The following MPDZ variants were observed in gnomAD, a reference collection of about 807,000 sequenced individuals.
The protein encoded by MPDZ is multiple PDZ domain protein.
MPDZ carries 234 observed loss-of-function variants against 239.1 expected under a neutral mutation model. The ratio of observed to expected loss-of-function variants is 0.98; its 90% confidence interval spans 0.88 to 1.09. MPDZ has a LOEUF of 1.09. Among genes scored for constraint, MPDZ ranks in the 50% least tolerant of loss-of-function variants. The pLI, the probability that MPDZ is intolerant of heterozygous loss-of-function variation, is 0.00. For synonymous variants in MPDZ, 1,048 were observed against 881.3 expected (o/e 1.19, Z -3.35); for missense variants, 3,175 against 2,510.0 (o/e 1.26, Z -5.66).
chr9:13,108,807 G>T, intron 46 of MPDZ, 129 bp downstream of exon 46: 1 of 893,696 alleles, frequency 1.1e-6, no homozygotes, highest in Non-Finnish European at 1.5e-6. Context: ...CCTGTAGGGA[G>T]TTTTGAAAAG....
chr9:13,109,698 G>C (rs1017379301), intron 45 of MPDZ, among the ~76,000 whole-genome samples: 1 of 152,146 alleles, frequency 6.6e-6, no homozygotes, highest in East Asian at 1.9e-4. Context: ...CAAAATCAGA[G>C]CTGAAACCAT....
At position 13,190,196 on chromosome 9, in the gene MPDZ, A is replaced by G. The variant is rs1035615640; in HGVS notation, c.2072T>C (p.Leu691Ser). The change falls in exon 16 of 47, where the codon TTG (leucine) becomes TCG (serine). Residue 691 changes from leucine (L) to serine (S), a missense_variant. Leu to Ser is a moderately radical substitution (Grantham distance 145). Coordinates refer to ENST00000319217, the MANE Select transcript of MPDZ (RefSeq NM_001378778.1). ...GQSTEEVQAP[L>S]AMWEAGIQHI... ...CTGAATGCCAGCCTCCCACATGGCCAAAGGTGCTTGAACCTCTTCTGTACT... is the reference window on the plus strand; with the variant it reads ...CTGAATGCCAGCCTCCCACATGGCCGAAGGTGCTTGAACCTCTTCTGTACT... The G allele has an allele frequency of 3.7e-6, 6 of 1,613,160 alleles. No individual in the cohort carries two copies. Among genetic ancestry groups the G allele is most frequent in the Non-Finnish European group, 4.2e-6 (5 of 1,179,556 alleles).
chr9:13,256,635 T>C (rs1969516417), intron 1 of MPDZ, among the ~76,000 whole-genome samples: 1 of 152,138 alleles, frequency 6.6e-6, no homozygotes, highest in African/African-American at 2.4e-5. Context: ...ATGGAGCAGT[T>C]GGAACATGTG....
intron 1 of MPDZ, among the ~76,000 whole-genome samples, chr9:13,254,422 G>A (rs186091917): frequency 1.3e-5 from 2 of 152,012 alleles, no homozygotes; most frequent in African/African-American, 4.8e-5. Context: ...TACATTTCAA[G>A]GTACTAAATC....
At chr9:13,240,123 A>G (rs1965019242) in intron 3 of MPDZ, among the ~76,000 whole-genome samples, 1 of 152,114 alleles carries the variant, frequency 6.6e-6, no homozygotes, top group South Asian at 2.1e-4. Flanking sequence ...ACAACATGTT[A>G]GAATTTTTGC....
chr9:13,171,300 T>A (rs1199755264), intron 21 of MPDZ, among the ~76,000 whole-genome samples: 2 of 152,158 alleles, frequency 1.3e-5, no homozygotes, highest in African/African-American at 4.8e-5. Context: ...AAAGACTAAA[T>A]GCAAATCTTA....
At position 13,219,730 on chromosome 9, in the gene MPDZ, A is replaced by G; in HGVS notation, c.915T>C (p.Ile305=). Residue 305 remains isoleucine (I), a synonymous_variant, in exon 8 of 47, where the codon ATT becomes ATC. Coordinates refer to ENST00000319217, the MANE Select transcript of MPDZ (RefSeq NM_001378778.1). ...TCATTCCTGCTAGATCTGTGTCACCAATCTTTAGAATGTGGTCTCCACTGC... is the reference window on the plus strand; with the variant it reads ...TCATTCCTGCTAGATCTGTGTCACCGATCTTTAGAATGTGGTCTCCACTGC... ...RLCSGDHILK[I]GDTDLAGMSS... is the part of the protein sequence containing the mutation. 6.2e-7 allele frequency: 1 copy of G among 1,612,702 alleles called. No homozygotes were observed. Among genetic ancestry groups the G allele is most frequent in the Admixed American group, 1.7e-5 (1 of 59,796 alleles).
intron 26 of MPDZ, among the ~76,000 whole-genome samples, chr9:13,145,199 A>G (rs1948268558): frequency 6.6e-6 from 1 of 152,054 alleles, no homozygotes; most frequent in Non-Finnish European, 1.5e-5. Context: ...GAAACAGACT[A>G]TTTCTTATTA....
At chr9:13,278,833 A>T (rs1230287438) in intron 1 of MPDZ, among the ~76,000 whole-genome samples, 12 of 151,828 alleles carry the variant, frequency 7.9e-5, no homozygotes, top group African/African-American at 2.9e-4. Flanking sequence ...CCCACTCTCT[A>T]CCGCAACCCG....
At chr9:13,211,885 G>A (rs1036831738) in intron 10 of MPDZ, among the ~76,000 whole-genome samples, 4 of 152,032 alleles carry the variant, frequency 2.6e-5, no homozygotes, top group East Asian at 1.9e-4. Context: ...TGGTTTCTAT[G>A]AGAAGGCTTT....
Position 13,203,469 on chromosome 9 carries a change from G to C in MPDZ, c.1546+1567C>G, listed in dbSNP as rs1956624226. Among the ~76,000 whole-genome samples, 5 of 152,038 alleles carry C rather than the reference G, an allele frequency of 3.3e-5. No homozygotes were observed. In the South Asian group the frequency reaches 1.0e-3, roughly 32 times the overall value. On this transcript the variant is annotated intron_variant, in intron 12 of 46. Coordinates refer to ENST00000319217, the MANE Select transcript of MPDZ (RefSeq NM_001378778.1). Reference sequence around the variant, plus strand: ...TCTCCATTCTCACCTTCTCACAACTGCCCCAAGACTGGATTTCAGGCATAT... The same window carrying C: ...TCTCCATTCTCACCTTCTCACAACTCCCCCAAGACTGGATTTCAGGCATAT...
intron 15 of MPDZ, among the ~76,000 whole-genome samples, chr9:13,190,615 T>C (rs1378944344): frequency 6.6e-6 from 1 of 152,136 alleles, no homozygotes; most frequent in Non-Finnish European, 1.5e-5. Context: ...CAATCATCTC[T>C]AGTCAGAAAA....
chr9:13,123,305 A>G lies in MPDZ; in HGVS notation c.4808-7T>C, dbSNP rs1586968824. Reference sequence around the variant, plus strand: ...GTTGATGATCTGCTTGTATCTAAAAATAAGTTAAAAATGAAATACAAATAA... The same window carrying G: ...GTTGATGATCTGCTTGTATCTAAAAGTAAGTTAAAAATGAAATACAAATAA... On this transcript the variant is annotated splice_polypyrimidine_tract_variant and splice_region_variant and intron_variant, in intron 35 of 46. Coordinates refer to ENST00000319217, the MANE Select transcript of MPDZ (RefSeq NM_001378778.1). 1 of 1,591,440 alleles carries G rather than the reference A, an allele frequency of 6.3e-7. No homozygotes were observed.
chr9:13,194,883 A>C (rs1955440293), intron 13 of MPDZ, among the ~76,000 whole-genome samples: 1 of 151,852 alleles, frequency 6.6e-6, no homozygotes, highest in African/African-American at 2.4e-5. Flanking sequence ...CATGTTAACC[A>C]CTGTTAAGAT....
At position 13,121,676 on chromosome 9, in the gene MPDZ, T is replaced by A. The variant is rs771997074; in HGVS notation, c.5231+63A>T. On this transcript the variant is annotated intron_variant, in intron 38 of 46. Transcript: ENST00000319217. ...AAAGATTCACCTACTGCTATTACTC[T>A]TTAAAATGATTTAAGTCCCATCATT... The A allele has an allele frequency of 1.5e-3, 2,395 of 1,561,262 alleles. 7 individuals are homozygous for A. The highest frequency in any genetic ancestry group is 1.7e-3 in the Non-Finnish European group (1,944 of 1,133,144).
In MPDZ at chr9:13,112,131, G is replaced by A; in HGVS notation, c.5617C>T (p.Leu1873=). The A allele has an allele frequency of 1.2e-6, 2 of 1,612,906 alleles. No homozygotes were observed. The highest frequency in any genetic ancestry group is 1.7e-6 in the Non-Finnish European group (2 of 1,179,240). The change falls in exon 43 of 47, where the codon CTG becomes TTG. Residue 1873 remains leucine, a synonymous_variant. Transcript: ENST00000319217. The part of the protein sequence containing the change: ...VEMKKGPTDS[L]GISIAGGVGS... ...ACTCCTCCAGCGATGCTGATTCCCA[G>A]TGAGTCAGTAGGGCCCTGCCATGGA...
intron 6 of MPDZ, 147 bp downstream of exon 6, chr9:13,222,086 C>G: frequency 6.6e-6 from 4 of 603,032 alleles, no homozygotes; most frequent in Non-Finnish European, 1.1e-5. Flanking sequence ...GCTTAAAGAA[C>G]AAATATTCCA....
intron 27 of MPDZ, among the ~76,000 whole-genome samples, chr9:13,141,945 T>C (rs1293878869): frequency 2.6e-5 from 4 of 152,140 alleles, no homozygotes; most frequent in Non-Finnish European, 5.9e-5. Flanking sequence ...ATGTCTCAAA[T>C]TAATAATATA....
At chr9:13,127,262 G>T (rs1033396942) in intron 32 of MPDZ, among the ~76,000 whole-genome samples, 3 of 152,026 alleles carry the variant, frequency 2.0e-5, no homozygotes, top group Non-Finnish European at 4.4e-5. Flanking sequence ...CTGTCCTTTT[G>T]GGGGGTGAAC....
Sources: allele counts gnomAD v4.1 joint callset (sites outside exome capture counted in the v4.1 genomes callset), GRCh38; gene constraint gnomAD v4.1.1; transcripts MANE v1.5; gene names NCBI Gene and HGNC (gene_info 2026-07-23, HGNC 2026-07-21).